Variants in TBXAS1 observed in about 807,000 individuals in gnomAD.
TBXAS1 encodes thromboxane A synthase 1, also known as thromboxane-A synthase.
TBXAS1 carries 48 observed loss-of-function variants against 60.7 expected under a neutral mutation model. That is an observed-to-expected ratio of 0.79 (90% CI 0.63 to 1.01). The LOEUF (loss-of-function observed/expected upper bound fraction) is 1.01, where lower values mean the gene tolerates loss of function less well. Among genes scored for constraint, TBXAS1 ranks in the 50% least tolerant of loss-of-function variants. The probability of loss-of-function intolerance (pLI) is 0.00; values close to 1 mark genes in which losing one functional copy is unlikely to be tolerated. For synonymous variants in TBXAS1, 287 were observed against 269.7 expected (o/e 1.06, Z -0.63); for missense variants, 685 against 686.3 (o/e 1.00, Z 0.02).
rs1213029629 is a variant in TBXAS1 at position 139,962,215 on chromosome 7, C to G, written c.1116C>G (p.Asp372Glu). ...AAGAGAAGCTTCTGAGAGAGGTAGA[C>G]GTTTTTAAGGAGAAACACGTGAGTA... ...DCQEKLLREVDVFKEKHMAPE... is the reference protein window; with the variant it reads ...DCQEKLLREVEVFKEKHMAPE... Residue 372 changes from aspartate to glutamate, a missense_variant, in exon 9 of 13, where the codon GAC (aspartate) becomes GAG (glutamate). Transcript: ENST00000448866. The G allele has an allele frequency of 6.2e-7, 1 of 1,614,034 alleles. No individual in the cohort carries two copies. Among genetic ancestry groups the G allele is most frequent in the Non-Finnish European group, 8.5e-7 (1 of 1,180,046 alleles).
At chr7:139,992,331 A>G (rs1812974583) in intron 9 of TBXAS1, among the ~76,000 whole-genome samples, 1 of 152,170 alleles carries the variant, frequency 6.6e-6, no homozygotes, top group Admixed American at 6.5e-5. Context: ...CCCACCCCCA[A>G]ATTTAATTTT....
At chr7:139,850,685 T>C (rs1459359443) in intron 1 of TBXAS1, among the ~76,000 whole-genome samples, 1 of 152,184 alleles carries the variant, frequency 6.6e-6, no homozygotes, top group Non-Finnish European at 1.5e-5. Flanking sequence ...CGGTGGTCCC[T>C]AATCCAGTGA....
intron 3 of TBXAS1, among the ~76,000 whole-genome samples, chr7:139,893,327 C>CACACACACACACACAA (rs1803798016): frequency 8.3e-6 from 1 of 120,872 alleles, no homozygotes; most frequent in Non-Finnish European, 1.7e-5. Context: ...ATGGAATAGA[C>CACACACACACACACAA]ACACACACAC....
chr7:139,894,657 C>T (rs886069556), intron 3 of TBXAS1, among the ~76,000 whole-genome samples: 1 of 152,186 alleles, frequency 6.6e-6, no homozygotes, highest in South Asian at 2.1e-4. Flanking sequence ...ATCGGTTCTC[C>T]ATTCTTTCTG....
intron 4 of TBXAS1, among the ~76,000 whole-genome samples, chr7:139,924,183 G>A (rs906052362): frequency 5.9e-5 from 9 of 152,154 alleles, no homozygotes; most frequent in Non-Finnish European, 1.5e-5. Context: ...TGGATCATAT[G>A]GTAGCTCTAT....
intron 1 of TBXAS1, among the ~76,000 whole-genome samples, chr7:139,847,666 C>T (rs1799907586): frequency 6.6e-6 from 1 of 152,158 alleles, no homozygotes; most frequent in African/African-American, 2.4e-5. Flanking sequence ...CTCACTTTCT[C>T]ACCTCCTATT....
intron 3 of TBXAS1, among the ~76,000 whole-genome samples, chr7:139,884,160 C>A (rs1202528602): frequency 6.6e-6 from 1 of 152,222 alleles, no homozygotes; most frequent in African/African-American, 2.4e-5. Context: ...CAGCTGAAAC[C>A]GAACTCCAGT....
chr7:139,781,857 AAAAG>A (rs1797005677), intron 2 of TBXAS1, among the ~76,000 whole-genome samples: 25 of 148,830 alleles, frequency 1.7e-4, no homozygotes. Flanking sequence ...AAAAAAAAAA[AAAAG>A]GCAGAAAGGC....
intron 2 of TBXAS1, among the ~76,000 whole-genome samples, chr7:139,873,458 G>A (rs990207039): frequency 9.2e-5 from 14 of 152,166 alleles, no homozygotes; most frequent in African/African-American, 3.4e-4. Context: ...CGGTCTGGTC[G>A]GTGATGAGAG....
chr7:139,835,719 A>G lies in TBXAS1; in HGVS notation c.89+6240A>G, dbSNP rs544210620. 3.1e-4 allele frequency among the ~76,000 whole-genome samples: 47 copies of G among 152,310 alleles called. No homozygotes were observed. The South Asian group carries it at 4.1e-3, about 13-fold the overall frequency. Reference sequence around the variant, plus strand: ...AGCATTCCCTCTGAGAATTGGAACAAGACAAGGATGTCCACTCTCACCACT... The same window carrying G: ...AGCATTCCCTCTGAGAATTGGAACAGGACAAGGATGTCCACTCTCACCACT... On this transcript the variant is annotated intron_variant, in intron 1 of 12. Transcript: ENST00000448866.
intron 9 of TBXAS1, among the ~76,000 whole-genome samples, chr7:140,003,557 C>A (rs1813846386): frequency 6.6e-6 from 1 of 152,180 alleles, no homozygotes; most frequent in African/African-American, 2.4e-5. Flanking sequence ...AAGAGAAAAG[C>A]CTATCTAGGG....
chr7:139,833,448 A>G (rs1389761861), intron 1 of TBXAS1, among the ~76,000 whole-genome samples: 1 of 150,950 alleles, frequency 6.6e-6, no homozygotes, highest in Non-Finnish European at 1.5e-5. Context: ...TTTGGATCAC[A>G]AGGTCAGGAG....
intron 1 of TBXAS1, among the ~76,000 whole-genome samples, chr7:139,861,097 C>T (rs1193647913): frequency 6.6e-6 from 1 of 151,780 alleles, no homozygotes; most frequent in Admixed American, 6.6e-5. Flanking sequence ...TTGCTTGAGC[C>T]CGGGAGGCGA....
At chr7:139,783,465 G>A (rs1027295351) in intron 3 of TBXAS1, among the ~76,000 whole-genome samples, 6 of 152,110 alleles carry the variant, frequency 3.9e-5, no homozygotes, top group African/African-American at 1.4e-4. Flanking sequence ...GGATGGATTT[G>A]CACATGAGAA....
chr7:139,963,387 G>T (rs374163744), intron 9 of TBXAS1, among the ~76,000 whole-genome samples: 1 of 152,110 alleles, frequency 6.6e-6, no homozygotes, highest in East Asian at 1.9e-4. Flanking sequence ...CTCCAGCCTC[G>T]TGTCATCTGA....
intron 1 of TBXAS1, among the ~76,000 whole-genome samples, chr7:139,855,658 G>T (rs963972653): frequency 6.6e-6 from 1 of 152,126 alleles, no homozygotes; most frequent in Non-Finnish European, 1.5e-5. Context: ...AGGTTTTGTC[G>T]TCCCAGAAGC....
chr7:139,886,078 A>G (rs189763525), intron 3 of TBXAS1, among the ~76,000 whole-genome samples: 2 of 152,348 alleles, frequency 1.3e-5, no homozygotes, highest in East Asian at 1.9e-4. Context: ...TTCTATAGCT[A>G]TGCACACAAA....
In TBXAS1 at chr7:139,843,231, G is replaced by T. The variant is rs923994490; in HGVS notation, c.89+13752G>T. Among the ~76,000 whole-genome samples the T allele has an allele frequency of 3.3e-5, 5 of 152,072 alleles. No individual in the cohort carries two copies. The South Asian group carries it at 6.2e-4, about 19-fold the overall frequency. On this transcript the variant is annotated intron_variant, in intron 1 of 12. Transcript: ENST00000448866. ...GTCTAAATGTCACTCTTCCATAAAG[G>T]TCTCCTCCATCAGGCCAGCCCTCAA...
chr7:139,889,047 T>C (rs989053914), intron 3 of TBXAS1, among the ~76,000 whole-genome samples: 2 of 152,004 alleles, frequency 1.3e-5, no homozygotes, highest in African/African-American at 4.8e-5. Flanking sequence ...AAGTGTCCTG[T>C]AGTGGCCGGG....
Sources: allele counts gnomAD v4.1 joint callset (sites outside exome capture counted in the v4.1 genomes callset), GRCh38; gene constraint gnomAD v4.1.1; transcripts MANE v1.5; gene names NCBI Gene and HGNC (gene_info 2026-07-23, HGNC 2026-07-21).